Variants in USP48 observed in about 807,000 individuals in gnomAD.
USP48 encodes ubiquitin specific peptidase 48.
USP48 carries 43 observed loss-of-function variants against 150.7 expected under a neutral mutation model. The ratio of observed to expected loss-of-function variants is 0.29; its 90% CI spans 0.22 to 0.37. The LOEUF (loss-of-function observed/expected upper bound fraction) is 0.37. Ranked by LOEUF, USP48 falls within the 10% of genes least tolerant of loss-of-function variation. The pLI, the probability that USP48 is intolerant of heterozygous loss-of-function variation, is 1.00. For missense variants in USP48, 813 were observed against 1,249.6 expected (o/e 0.65, Z 5.27); for synonymous variants, 396 against 425.9 (o/e 0.93, Z 0.86).
At chr1:21,747,026 C>T (rs1402537415) in intron 8 of USP48, 41 bp downstream of exon 8, 1 of 1,457,292 alleles carries the variant, frequency 6.9e-7, no homozygotes, top group East Asian at 2.4e-5. Context: ...AAGTTAGAGT[C>T]TCTGAGCATT....
rs757196391 is a variant in USP48 at position 21,706,728 on chromosome 1, C to G, written c.2088+16G>C. The G allele has an allele frequency of 6.2e-6, 10 of 1,611,230 alleles. No homozygotes were observed. The East Asian group carries it at 2.2e-4, about 36-fold the overall frequency. On this transcript the variant is annotated intron_variant, in intron 16 of 26. Coordinates refer to ENST00000308271, the MANE Select transcript of USP48 (RefSeq NM_032236.8). ...GGTGGCATGCCATTTCCCCAGATGT[C>G]AGTAGCGTTCAGTACCTTGCACTGT...
intron 1 of USP48, chr1:21,768,333 A>G: frequency 6.1e-6 from 1 of 162,846 alleles, no homozygotes. Flanking sequence ...GCTATTTTCC[A>G]GGAGGATGCT....
intron 8 of USP48, among the ~76,000 whole-genome samples, chr1:21,737,090 G>A (rs1383136592): frequency 2.0e-5 from 3 of 152,150 alleles, no homozygotes; most frequent in Non-Finnish European, 4.4e-5. Flanking sequence ...AAAACTGACG[G>A]CAAGTCATGA....
At chr1:21,697,338 G>A (rs1257615176) in intron 22 of USP48, among the ~76,000 whole-genome samples, 6 of 151,910 alleles carry the variant, frequency 3.9e-5, no homozygotes, top group East Asian at 3.9e-4. Flanking sequence ...AATGAAACCC[G>A]ATGAAACATT....
intron 9 of USP48, among the ~76,000 whole-genome samples, chr1:21,734,312 T>C (rs563670318): frequency 3.1e-4 from 47 of 152,206 alleles, no homozygotes; most frequent in African/African-American, 1.1e-3. Flanking sequence ...GGCAGGAGGA[T>C]TATTTGAGTC....
At chr1:21,695,037 G>A in intron 23 of USP48, 29 bp downstream of exon 23, 1 of 1,598,780 alleles carries the variant, frequency 6.3e-7, no homozygotes, top group Non-Finnish European at 8.5e-7. Context: ...TTTAAGTCCA[G>A]AGCAAACTTG....
chr1:21,685,133 T>C (rs1437517080), intron 25 of USP48, among the ~76,000 whole-genome samples: 7 of 152,210 alleles, frequency 4.6e-5, no homozygotes, highest in Non-Finnish European at 1.0e-4. Context: ...TTGGGTAATA[T>C]GGTCATTTTA....
intron 15 of USP48, 67 bp downstream of exon 15, chr1:21,715,322 C>T (rs2097701295): frequency 1.6e-6 from 2 of 1,272,758 alleles, no homozygotes; most frequent in Non-Finnish European, 2.2e-6. Flanking sequence ...GCATGAAAGC[C>T]AGGCAGTAGA....
At position 21,723,889 on chromosome 1, in the gene USP48, T is replaced by C. The variant is rs1485346872; in HGVS notation, c.1648+9A>G. The C allele has an allele frequency of 3.1e-6, 5 of 1,608,860 alleles. No individual in the cohort carries two copies. In the African/African-American group the frequency reaches 6.7e-5, roughly 22 times the overall value. The stretch of plus-strand genomic sequence containing the variant: ...CTCTTTTTTAAACAGAGAGGACATC[T>C]TGAATTACCAGTTAGTCTTGGACCT... On this transcript the variant is annotated intron_variant, in intron 12 of 26. Coordinates refer to ENST00000308271, the MANE Select transcript of USP48 (RefSeq NM_032236.8).
At position 21,695,076 on chromosome 1, in the gene USP48, A is replaced by G; in HGVS notation, c.2873T>C (p.Leu958Ser). ...AAATGTTTCCCTCACCTGAATTTTC[A>G]ATTCTTTTAACGTCTGATTAGCAGA... is the stretch of plus-strand genomic sequence containing the variant. Reference protein sequence around the residue: ...LVSANQTLKELKIQIMHAFSV... With the variant: ...LVSANQTLKESKIQIMHAFSV... Residue 958 changes from leucine (L) to serine (S), a missense_variant, in exon 23 of 27, where the codon TTG becomes TCG. By Grantham distance (145) the Leu-to-Ser change is moderately radical. Transcript: ENST00000308271. 6.2e-7 allele frequency: 1 copy of G among 1,609,326 alleles called. No homozygotes were observed. Among genetic ancestry groups the G allele is most frequent in the Non-Finnish European group, 8.5e-7 (1 of 1,178,520 alleles).
intron 3 of USP48, among the ~76,000 whole-genome samples, chr1:21,755,395 C>CA (rs994976932): frequency 8.7e-5 from 13 of 150,100 alleles, no homozygotes; most frequent in Admixed American, 5.3e-4. Context: ...ATGCTGTCTC[C>CA]AAAAAAAACA....
Position 21,699,814 on chromosome 1 carries a change from CCA to C in USP48, c.2727+1682_2727+1683del, listed in dbSNP as rs10660046. 8.8e-3 allele frequency among the ~76,000 whole-genome samples: 1,309 copies of C among 149,162 alleles called. 28 individuals are homozygous for C. Among genetic ancestry groups the C allele is most frequent in the African/African-American group, 0.031 (1,245 of 40,662 alleles). ...TACAGGCGTGAGCCACTGCGCCTGG[CCA>C]CACACACACACACACACTTTTAATA... On this transcript the variant is annotated intron_variant, in intron 22 of 26. Transcript: ENST00000308271.
rs1481506146 is a variant in USP48, at chr1:21,694,590, AAAAAAAAAAAAAAAAAAC to A, written c.2883+458_2883+475del. 9.7e-4 allele frequency among the ~76,000 whole-genome samples: 136 copies of A among 140,184 alleles called. 3 individuals carry two copies. The East Asian group carries it at 0.017, about 17-fold the overall frequency. 92.0% of individuals were successfully genotyped at this position (140,184 alleles called of 152,430 possible). ...GTCTCACCAAAAAAAAAAAAAAAAAAAAAAAAAAAAAAAAAAACCCCCTCTATCTATCAAATAGATTTA... is the reference window on the plus strand; with the variant it reads ...GTCTCACCAAAAAAAAAAAAAAAAAACCCCTCTATCTATCAAATAGATTTA... On this transcript the variant is annotated intron_variant, in intron 23 of 26. Coordinates refer to ENST00000308271, the MANE Select transcript of USP48 (RefSeq NM_032236.8).
intron 23 of USP48, 119 bp from the exon 24 acceptor site, chr1:21,690,218 C>A: frequency 8.4e-7 from 1 of 1,185,686 alleles, no homozygotes; most frequent in Non-Finnish European, 1.1e-6. Flanking sequence ...AGTACAAAAC[C>A]ACTATTGTTT....
rs565251430 is a variant in USP48, at chr1:21,714,781, A to G, written c.1963+608T>C. ...AACCAATACATAGGATTAAATAAGG[A>G]TTTAGAATTTAGCTTTTTAAAAAAT... On this transcript the variant is annotated intron_variant, in intron 15 of 26. Coordinates refer to ENST00000308271, the MANE Select transcript of USP48 (RefSeq NM_032236.8). Among the ~76,000 whole-genome samples, 8 of 152,334 alleles carry G rather than the reference A, an allele frequency of 5.3e-5. No individual in the cohort carries two copies. The South Asian group carries it at 8.3e-4, about 16-fold the overall frequency.
At chr1:21,774,657 AGCCTG>A (rs1328306720) in intron 1 of USP48, among the ~76,000 whole-genome samples, 1 of 152,064 alleles carries the variant, frequency 6.6e-6, no homozygotes, top group African/African-American at 2.4e-5. Flanking sequence ...ACTGTACTCC[AGCCTG>A]GCAACAGAGC....
chr1:21,763,934 G>T (rs2097855841), intron 1 of USP48, among the ~76,000 whole-genome samples: 1 of 152,190 alleles, frequency 6.6e-6, no homozygotes, highest in Non-Finnish European at 1.5e-5. Context: ...CAGCACAGCA[G>T]AATGCCAACC....
Position 21,695,032 on chromosome 1 carries a change from G to A in USP48, c.2883+34C>T, listed in dbSNP as rs893234859. The A allele has an allele frequency of 1.0e-5, 16 of 1,590,072 alleles. No homozygotes were observed. In the African/African-American group the frequency reaches 1.8e-4, roughly 18 times the overall value. On this transcript the variant is annotated intron_variant, in intron 23 of 26. Transcript: ENST00000308271. ...CAGGAATTCATAAAGGCCCTTTTAA[G>A]TCCAGAGCAAACTTGAACAAATGTT...
At chr1:21,696,736 G>A (rs1412315454) in intron 22 of USP48, among the ~76,000 whole-genome samples, 4 of 152,162 alleles carry the variant, frequency 2.6e-5, no homozygotes, top group Admixed American at 1.3e-4. Context: ...CCCTGGGTGT[G>A]CATGATACAT....
Sources: allele counts gnomAD v4.1 joint callset (sites outside exome capture counted in the v4.1 genomes callset), GRCh38; gene constraint gnomAD v4.1.1; transcripts MANE v1.5; gene names NCBI Gene and HGNC (gene_info 2026-07-23, HGNC 2026-07-21).